PARD6B: variants seen among roughly 807,000 people sequenced by gnomAD.
PARD6B encodes the protein par-6 family cell polarity regulator beta, also known as partitioning defective 6 homolog beta.
A neutral mutation model predicts 10.5 loss-of-function variants in PARD6B; 4 were observed. That is an observed-to-expected ratio of 0.38 (90% CI 0.19 to 0.87). The LOEUF is 0.87. Among genes scored for constraint, PARD6B ranks in the 40% least tolerant of loss-of-function variants. The pLI, the probability that PARD6B is intolerant of heterozygous loss-of-function variation, is 0.41. For synonymous variants in PARD6B, 169 were observed against 170.4 expected, an observed-to-expected ratio of 0.99 and a Z score of 0.07; for missense variants, 396 against 470.6, an observed-to-expected ratio of 0.84 and a Z score of 1.47.
In PARD6B at chr20:50,731,864, C is replaced by A. The variant is rs1272305714; in HGVS notation, c.66+12C>A. 2 of 1,433,544 alleles carry A rather than the reference C, an allele frequency of 1.4e-6. No homozygotes were observed. Among genetic ancestry groups the A allele is most frequent in the Admixed American group, 5.4e-5 (2 of 37,030 alleles). The allele number at this position is 1,433,544 out of a possible 1,614,324, so 88.8% of individuals were successfully genotyped here. ...AGGTGAAGAGCAAGGTGCGCGGGGCCCGGGCTGGGCGGAGCGGCGGGCCTG... is the reference window on the plus strand; with the variant it reads ...AGGTGAAGAGCAAGGTGCGCGGGGCACGGGCTGGGCGGAGCGGCGGGCCTG... On this transcript the variant is annotated intron_variant, in intron 1 of 2. Coordinates refer to ENST00000371610, the MANE Select transcript of PARD6B (RefSeq NM_032521.3).
rs897608619 is a variant in PARD6B at position 50,744,249 on chromosome 20, G to A, written c.290-5410G>A. Among the ~76,000 whole-genome samples, 13 of 151,652 alleles carry A rather than the reference G, an allele frequency of 8.6e-5. No homozygotes were observed. The South Asian group carries it at 1.0e-3, about 12-fold the overall frequency. On this transcript the variant is annotated intron_variant, in intron 2 of 2. Transcript: ENST00000371610. ...CCTGCCTCATCCTCCCGAGTAGGTG[G>A]GATTACAGGCATGCGCCACCATGCC...
At chr20:50,734,073 T>A (rs1374276958) in intron 1 of PARD6B, among the ~76,000 whole-genome samples, 1 of 152,210 alleles carries the variant, frequency 6.6e-6, no homozygotes, top group Non-Finnish European at 1.5e-5. Context: ...TAGGAACATG[T>A]GCTGAATGAA....
At chr20:50,742,852 T>G (rs897002817) in intron 2 of PARD6B, among the ~76,000 whole-genome samples, 51 of 152,126 alleles carry the variant, frequency 3.4e-4, no homozygotes, top group Non-Finnish European at 8.8e-5. Context: ...TTATAACAAT[T>G]TATTGTTAGA....
At chr20:50,733,518 A>G (rs990272913) in intron 1 of PARD6B, among the ~76,000 whole-genome samples, 1 of 152,248 alleles carries the variant, frequency 6.6e-6, no homozygotes, top group African/African-American at 2.4e-5. Flanking sequence ...GTGTAGTTAC[A>G]GCAATTTAAG....
chr20:50,735,864 G>GTGAT (rs1442821076), intron 1 of PARD6B, among the ~76,000 whole-genome samples: 1 of 152,240 alleles, frequency 6.6e-6, no homozygotes, highest in Admixed American at 6.5e-5. Flanking sequence ...ATCAGGGGAA[G>GTGAT]TGATAAACCC....
rs1028459231 is a variant in PARD6B at position 50,752,196 on chromosome 20, C to T, written c.*1708C>T. Reference sequence around the variant, plus strand: ...TCCCATTCCCAGTCTCATTTGAAATCATTCCTTTTATTGTTAGTGTGTGTA... The same window carrying T: ...TCCCATTCCCAGTCTCATTTGAAATTATTCCTTTTATTGTTAGTGTGTGTA... On this transcript the variant is annotated 3_prime_UTR_variant, in exon 3 of 3. Coordinates refer to ENST00000371610, the MANE Select transcript of PARD6B (RefSeq NM_032521.3). 2 of 985,456 alleles carry T rather than the reference C, an allele frequency of 2.0e-6. No individual in the cohort carries two copies. The highest frequency in any genetic ancestry group is 1.7e-5 in the African/African-American group (1 of 57,196). 61.0% of individuals were successfully genotyped at this position (985,456 alleles called of 1,614,324 possible).
intron 2 of PARD6B, 93 bp from the exon 3 acceptor site, chr20:50,749,566 T>C: frequency 9.1e-7 from 1 of 1,098,040 alleles, no homozygotes; most frequent in Non-Finnish European, 1.3e-6. Context: ...ATACCAAATA[T>C]ATTTTGAGTT....
At chr20:50,741,809 G>A (rs1387675618) in intron 2 of PARD6B, among the ~76,000 whole-genome samples, 3 of 152,132 alleles carry the variant, frequency 2.0e-5, no homozygotes, top group Non-Finnish European at 4.4e-5. Flanking sequence ...GCCTCCCAAA[G>A]TGCTGGGATT....
chr20:50,744,725 G>A (rs892816416), intron 2 of PARD6B, among the ~76,000 whole-genome samples: 3 of 149,296 alleles, frequency 2.0e-5, no homozygotes, highest in African/African-American at 2.5e-5. Context: ...GGATATTGTC[G>A]AGTCCTGTGC....
Position 50,753,373 on chromosome 20 carries a change from A to G in PARD6B, c.*2885A>G, listed in dbSNP as rs1359376660. 1 of 985,270 alleles carries G rather than the reference A, an allele frequency of 1.0e-6. No individual in the cohort carries two copies. The highest frequency in any genetic ancestry group is 1.2e-6 in the Non-Finnish European group (1 of 829,516). The allele number at this position is 985,270 out of a possible 1,614,324, so 61.0% of individuals were successfully genotyped here. On this transcript the variant is annotated 3_prime_UTR_variant, in exon 3 of 3. Coordinates refer to ENST00000371610, the MANE Select transcript of PARD6B (RefSeq NM_032521.3). ...AAATATCAGCTCATTGGTAGGCTGA[A>G]TCAATTATTTCAAGTGCACCTTATT...
At chr20:50,744,664 C>CAA (rs1446185394) in intron 2 of PARD6B, among the ~76,000 whole-genome samples, 1 of 133,080 alleles carries the variant, frequency 7.5e-6, no homozygotes, top group Non-Finnish European at 1.6e-5. Context: ...TCCTGCTTTT[C>CAA]ACCCTCTGTT....
intron 1 of PARD6B, among the ~76,000 whole-genome samples, chr20:50,737,332 C>T (rs1203362790): frequency 6.6e-6 from 1 of 152,164 alleles, no homozygotes. Context: ...TTTTTTTCTG[C>T]ATTAACATAG....
chr20:50,743,051 T>A (rs1179705418), intron 2 of PARD6B, among the ~76,000 whole-genome samples: 1 of 152,198 alleles, frequency 6.6e-6, no homozygotes, highest in Non-Finnish European at 1.5e-5. Context: ...GACTTTCTGC[T>A]CTCATTGTTG....
intron 2 of PARD6B, among the ~76,000 whole-genome samples, chr20:50,742,273 AC>A (rs2087535012): frequency 6.6e-6 from 1 of 151,022 alleles, no homozygotes; most frequent in Non-Finnish European, 1.5e-5. Context: ...CAAACTCCTG[AC>A]CTCAAGTGAT....
intron 2 of PARD6B, among the ~76,000 whole-genome samples, chr20:50,747,274 T>C (rs1241411764): frequency 6.6e-6 from 1 of 152,096 alleles, no homozygotes; most frequent in Admixed American, 6.5e-5. Context: ...AATTTATTGG[T>C]TATAAAGTGA....
chr20:50,736,478 A>G (rs2087500048), intron 1 of PARD6B, among the ~76,000 whole-genome samples: 1 of 152,246 alleles, frequency 6.6e-6, no homozygotes, highest in South Asian at 2.1e-4. Flanking sequence ...AAAAACCAAC[A>G]TAGGGCTTAA....
rs2087623914 is a variant in PARD6B at position 50,753,097 on chromosome 20, C to A, written c.*2609C>A. 1.0e-6 allele frequency: 1 copy of A among 982,392 alleles called. No individual in the cohort carries two copies. The highest frequency in any genetic ancestry group is 1.8e-5 in the African/African-American group (1 of 56,654). 60.9% of individuals were successfully genotyped at this position (982,392 alleles called of 1,614,324 possible). A position where few individuals can be genotyped will look rare whatever the true frequency, so the allele number is the denominator to read the frequency against. On this transcript the variant is annotated 3_prime_UTR_variant, in exon 3 of 3. Transcript: ENST00000371610. ...TCTCTTTTTTTTTTTAAAGTTTTAA[C>A]ATCAGAACTTTTGGGGGAAAAACTA... is the stretch of plus-strand genomic sequence containing the variant.
At chr20:50,735,206 G>A (rs190715993) in intron 1 of PARD6B, among the ~76,000 whole-genome samples, 4 of 152,188 alleles carry the variant, frequency 2.6e-5, no homozygotes, top group South Asian at 2.1e-4. Context: ...ATCTTCACAC[G>A]TGGAAGGGAA....
Position 50,743,876 on chromosome 20 carries a change from G to A in PARD6B, c.290-5783G>A, listed in dbSNP as rs1028747799. On this transcript the variant is annotated intron_variant, in intron 2 of 2. Coordinates refer to ENST00000371610, the MANE Select transcript of PARD6B (RefSeq NM_032521.3). ...TGCACTCCAGCCTGGGCGACAGAGC[G>A]AGACTCCGTCTCAAAAAAAAAAAAA... Among the ~76,000 whole-genome samples, 12 of 145,462 alleles carry A rather than the reference G, an allele frequency of 8.2e-5. 1 individual carries two copies. The highest frequency in any genetic ancestry group is 2.0e-4 in the East Asian group (1 of 4,898).
Sources: allele counts gnomAD v4.1 joint callset (sites outside exome capture counted in the v4.1 genomes callset), GRCh38; gene constraint gnomAD v4.1.1; transcripts MANE v1.5; gene names NCBI Gene and HGNC (gene_info 2026-07-23, HGNC 2026-07-21).